GRAMD2B: variants seen among roughly 807,000 people sequenced by gnomAD.
GRAMD2B encodes the protein GRAM domain-containing protein 2B.
GRAMD2B carries 41 observed loss-of-function variants against 59.2 expected under a neutral mutation model. That is an observed-to-expected ratio of 0.69 (90% CI 0.54 to 0.90). The LOEUF (loss-of-function observed/expected upper bound fraction) is 0.90. Ranked by LOEUF, GRAMD2B falls within the 40% of genes least tolerant of loss-of-function variation. The pLI is 0.00. For missense variants in GRAMD2B, 424 were observed against 500.5 expected, an observed-to-expected ratio of 0.85 and a Z score of 1.46; for synonymous variants, 161 against 182.7, an observed-to-expected ratio of 0.88 and a Z score of 0.96.
upstream of GRAMD2B, among the ~76,000 whole-genome samples, chr5:126,369,888 A>C (rs532644394): frequency 1.8e-4 from 28 of 152,376 alleles, no homozygotes; most frequent in African/African-American, 6.5e-4. Flanking sequence ...ACTCCCATGC[A>C]GGTTGTTGCT....
At chr5:126,461,968 C>A (rs968735863) in intron 1 of GRAMD2B, among the ~76,000 whole-genome samples, 2 of 152,182 alleles carry the variant, frequency 1.3e-5, no homozygotes, top group Admixed American at 6.5e-5. Flanking sequence ...GAGAAATAAC[C>A]TGCCAAGGCC....
intron 1 of GRAMD2B, among the ~76,000 whole-genome samples, chr5:126,407,496 C>T (rs535284958): frequency 3.3e-5 from 5 of 152,052 alleles, no homozygotes; most frequent in East Asian, 3.9e-4. Flanking sequence ...ATCTTCCTTT[C>T]CTTCTGCTCA....
At chr5:126,421,263 C>T (rs1759699518), upstream of GRAMD2B, among the ~76,000 whole-genome samples, 1 of 152,174 alleles carries the variant, frequency 6.6e-6, no homozygotes, top group Non-Finnish European at 1.5e-5. Context: ...TATTTTACCA[C>T]AATAAATAAA....
intron 1 of GRAMD2B, among the ~76,000 whole-genome samples, chr5:126,378,294 A>G (rs920438779): frequency 6.6e-6 from 1 of 152,246 alleles, no homozygotes; most frequent in Non-Finnish European, 1.5e-5. Flanking sequence ...TGCCATATGA[A>G]GAGATCAATG....
chr5:126,422,677 T>G (rs4324677), upstream of GRAMD2B, among the ~76,000 whole-genome samples: 27,133 of 152,172 alleles, frequency 0.18, 2,999 homozygotes, highest in African/African-American at 0.31. Context: ...AATGAATGAA[T>G]GAGTGAATGC....
At chr5:126,489,997 A>T (rs11955039) in intron 13 of GRAMD2B, among the ~76,000 whole-genome samples, 2 of 152,220 alleles carry the variant, frequency 1.3e-5, no homozygotes, top group African/African-American at 2.4e-5. Context: ...TTTAACAGCT[A>T]AAGTATTAAG....
chr5:126,376,775 T>C (rs1392673925), intron 1 of GRAMD2B, among the ~76,000 whole-genome samples: 3 of 152,142 alleles, frequency 2.0e-5, no homozygotes, highest in Admixed American at 6.5e-5. Flanking sequence ...GGATATATAA[T>C]GGCATTAGTT....
chr5:126,490,338 C>A (rs1451860780), intron 13 of GRAMD2B: 1 of 93,232 alleles, frequency 1.1e-5, no homozygotes, highest in Non-Finnish European at 2.2e-5. Flanking sequence ...TGTGTTTCTT[C>A]CCACTCTCCC....
intron 1 of GRAMD2B, among the ~76,000 whole-genome samples, chr5:126,371,730 G>A (rs1424200014): frequency 6.6e-6 from 1 of 152,192 alleles, no homozygotes; most frequent in African/African-American, 2.4e-5. Context: ...TTCGAAGGGG[G>A]TATGTAATAA....
At chr5:126,474,566 G>A (rs762754869) in intron 5 of GRAMD2B, among the ~76,000 whole-genome samples, 1 of 152,164 alleles carries the variant, frequency 6.6e-6, no homozygotes, top group African/African-American at 2.4e-5. Flanking sequence ...CATGGAATGG[G>A]GAAGGGGATT....
intron 1 of GRAMD2B, among the ~76,000 whole-genome samples, chr5:126,377,674 T>C (rs753177666): frequency 3.9e-5 from 6 of 152,226 alleles, no homozygotes; most frequent in Non-Finnish European, 5.9e-5. Flanking sequence ...ACGTAAGTTA[T>C]CACTGGCTGT....
At chr5:126,488,287 G>T (rs1016037569) in intron 12 of GRAMD2B, among the ~76,000 whole-genome samples, 1 of 152,048 alleles carries the variant, frequency 6.6e-6, no homozygotes, top group Non-Finnish European at 1.5e-5. Flanking sequence ...AGTGGCTCAC[G>T]CCTGATTATG....
intron 1 of GRAMD2B, among the ~76,000 whole-genome samples, chr5:126,393,439 A>AT (rs1204307435): frequency 4.6e-5 from 7 of 152,196 alleles, no homozygotes; most frequent in Non-Finnish European, 8.8e-5. Context: ...AATAAATAAA[A>AT]TTTTTTGCCA....
chr5:126,423,584 G>A lies in GRAMD2B; in HGVS notation c.-23G>A, dbSNP rs1265570776. On this transcript the variant is annotated 5_prime_UTR_variant, in exon 1 of 14. Transcript: ENST00000285689. ...AGAGCCAGGCGCGCGGAAGTCTGAA[G>A]GTGCCCTCCAGACACGGCCCCGATG... 4 of 1,607,450 alleles carry A rather than the reference G, an allele frequency of 2.5e-6. No homozygotes were observed. The highest frequency in any genetic ancestry group is 3.4e-6 in the Non-Finnish European group (4 of 1,177,482).
At position 126,439,242 on chromosome 5, in the gene GRAMD2B, C is replaced by A. The variant is rs548951665; in HGVS notation, c.83+15553C>A. 3.9e-5 allele frequency among the ~76,000 whole-genome samples: 6 copies of A among 151,910 alleles called. No individual in the cohort carries two copies. In the South Asian group the frequency reaches 1.0e-3, roughly 26 times the overall value. The stretch of plus-strand genomic sequence containing the variant: ...AGTAACCTGCAAGAGGTTGGACTTT[C>A]CGTATGTTGAAATATATAGATATTT... On this transcript the variant is annotated intron_variant, in intron 1 of 13. Coordinates refer to ENST00000285689, the MANE Select transcript of GRAMD2B (RefSeq NM_023927.4).
chr5:126,440,912 T>G (rs572850984), intron 1 of GRAMD2B, among the ~76,000 whole-genome samples: 54 of 152,214 alleles, frequency 3.5e-4, no homozygotes, highest in Admixed American at 2.6e-3. Flanking sequence ...ATCTTTGACC[T>G]TTTTTTAATT....
intron 13 of GRAMD2B, chr5:126,490,499 T>C (rs10213948): frequency 0.78 from 119,382 of 152,270 alleles, 47,004 homozygotes; most frequent in African/African-American, 0.85. Flanking sequence ...CAGTGGAGAC[T>C]ACCTTTGTCT....
intron 3 of GRAMD2B, among the ~76,000 whole-genome samples, chr5:126,471,946 C>T (rs565216346): frequency 4.0e-4 from 61 of 152,340 alleles, no homozygotes; most frequent in African/African-American, 1.4e-3. Context: ...AGAATTTCAT[C>T]CCATTTCTCA....
At chr5:126,362,425 C>T (rs1754262504) in intron 1 of GRAMD2B, among the ~76,000 whole-genome samples, 1 of 152,176 alleles carries the variant, frequency 6.6e-6, no homozygotes, top group African/African-American at 2.4e-5. Flanking sequence ...ATTTTGTTGA[C>T]AATCATCATT....
Sources: allele counts gnomAD v4.1 joint callset (sites outside exome capture counted in the v4.1 genomes callset), GRCh38; gene constraint gnomAD v4.1.1; transcripts MANE v1.5; gene names NCBI Gene and HGNC (gene_info 2026-07-23, HGNC 2026-07-21).